The following DCLK1 variants were observed in gnomAD, a reference collection of about 807,000 sequenced individuals.
DCLK1 encodes the protein serine/threonine-protein kinase DCLK1.
In DCLK1, 16 loss-of-function variants were observed where a neutral mutation model predicts 86.2. The ratio of observed to expected loss-of-function variants is 0.19; its 90% CI spans 0.13 to 0.28. DCLK1 has a LOEUF of 0.28. Among genes scored for constraint, DCLK1 ranks in the 10% least tolerant of loss-of-function variants. The probability of loss-of-function intolerance (pLI) is 1.00; values close to 1 mark genes in which losing one functional copy is unlikely to be tolerated. For synonymous variants in DCLK1, 369 were observed against 370.5 expected, an observed-to-expected ratio of 1.00 and a Z score of 0.05; for missense variants, 590 against 940.2, an observed-to-expected ratio of 0.63 and a Z score of 4.87.
chr13:35,894,172 A>T (rs1873811047), intron 4 of DCLK1, among the ~76,000 whole-genome samples: 1 of 152,134 alleles, frequency 6.6e-6, no homozygotes, highest in Non-Finnish European at 1.5e-5. Flanking sequence ...CTTGTATCTG[A>T]AATACTTCTG....
intron 5 of DCLK1, among the ~76,000 whole-genome samples, chr13:35,857,342 C>G (rs1428365180): frequency 6.6e-6 from 1 of 152,130 alleles, no homozygotes; most frequent in Non-Finnish European, 1.5e-5. Flanking sequence ...TATATGAACA[C>G]AAACATACAG....
intron 3 of DCLK1, among the ~76,000 whole-genome samples, chr13:36,061,628 A>G (rs1440470489): frequency 6.6e-6 from 1 of 152,216 alleles, no homozygotes; most frequent in Admixed American, 6.5e-5. Flanking sequence ...TAAAAATAAT[A>G]TATCTGGAAA....
chr13:35,916,411 T>G (rs1875415333), intron 4 of DCLK1, among the ~76,000 whole-genome samples: 1 of 152,144 alleles, frequency 6.6e-6, no homozygotes, highest in Non-Finnish European at 1.5e-5. Flanking sequence ...CTTCCCCCTC[T>G]GCCTCTCCCT....
chr13:35,962,149 C>T (rs892462493), intron 3 of DCLK1, among the ~76,000 whole-genome samples: 2 of 152,154 alleles, frequency 1.3e-5, no homozygotes, highest in African/African-American at 4.8e-5. Flanking sequence ...AAGGGTGTTG[C>T]TGTGGGTTGA....
intron 3 of DCLK1, among the ~76,000 whole-genome samples, chr13:35,990,724 A>G (rs1002203677): frequency 6.6e-5 from 10 of 152,154 alleles, no homozygotes; most frequent in African/African-American, 2.2e-4. Context: ...GATGGTTTCC[A>G]AGCTCATTTT....
chr13:36,077,375 G>T (rs559123475), intron 3 of DCLK1, among the ~76,000 whole-genome samples: 1 of 152,168 alleles, frequency 6.6e-6, no homozygotes. Context: ...AAATCTACTT[G>T]CCCCCCTTCT....
intron 3 of DCLK1, among the ~76,000 whole-genome samples, chr13:36,093,089 G>C (rs1884895980): frequency 6.6e-6 from 1 of 152,174 alleles, no homozygotes; most frequent in Non-Finnish European, 1.5e-5. Context: ...ACTGCAGCTT[G>C]AAATCCTTAC....
At chr13:36,091,351 A>C (rs192196575) in intron 3 of DCLK1, among the ~76,000 whole-genome samples, 12 of 152,290 alleles carry the variant, frequency 7.9e-5, no homozygotes, top group African/African-American at 2.2e-4. Context: ...GTATCCCAGA[A>C]CTTAAAGTAA....
rs370720228 is a variant in DCLK1, at chr13:36,100,214, C to CA, written c.723+11654_723+11655insT. Among the ~76,000 whole-genome samples the CA allele has an allele frequency of 1.0e-3, 70 of 67,000 alleles. 6 individuals carry two copies. The highest frequency in any genetic ancestry group is 2.9e-3 in the East Asian group (3 of 1,036). 44.0% of individuals were successfully genotyped at this position (67,000 alleles called of 152,430 possible). On this transcript the variant is annotated intron_variant, in intron 3 of 16. Transcript: ENST00000360631. ...AAAAAAAAAAAAAAAAAAAAAAAAA[C>CA]CACACACACACAAAATTAGCCAGGC... is the stretch of plus-strand genomic sequence containing the variant.
intron 2 of DCLK1, among the ~76,000 whole-genome samples, chr13:36,115,788 T>C (rs1269235188): frequency 2.0e-5 from 3 of 151,398 alleles, no homozygotes; most frequent in Non-Finnish European, 4.4e-5. Context: ...TGGATCCAAC[T>C]AATACTAAAA....
chr13:36,076,368 T>C (rs1239374514), intron 3 of DCLK1, among the ~76,000 whole-genome samples: 1 of 152,286 alleles, frequency 6.6e-6, no homozygotes, highest in East Asian at 1.9e-4. Context: ...ATTTTCCCAG[T>C]CTTCCTGACA....
At chr13:35,861,873 A>T (rs978212823) in intron 5 of DCLK1, among the ~76,000 whole-genome samples, 3 of 151,012 alleles carry the variant, frequency 2.0e-5, no homozygotes, top group Non-Finnish European at 4.4e-5. Flanking sequence ...AAAAAAAAAA[A>T]ATACAAAAAA....
At chr13:35,846,755 T>C (rs1295477584) in intron 6 of DCLK1, 1 of 985,228 alleles carries the variant, frequency 1.0e-6, no homozygotes. Context: ...GCAAGGTTAA[T>C]GCAAATATGC....
chr13:35,875,080 A>C (rs962203438), intron 4 of DCLK1, among the ~76,000 whole-genome samples: 1 of 152,236 alleles, frequency 6.6e-6, no homozygotes, highest in Non-Finnish European at 1.5e-5. Flanking sequence ...TCTTTTCACC[A>C]GTGAGGCCTC....
chr13:36,100,203 AAAAAAAAAAAC>A (rs1315680916), intron 3 of DCLK1, among the ~76,000 whole-genome samples: 18,805 of 129,408 alleles, frequency 0.15, 2,573 homozygotes, highest in East Asian at 0.38. Flanking sequence ...AAAAAAAAAA[AAAAAAAAAAAC>A]CACACACACA....
intron 3 of DCLK1, among the ~76,000 whole-genome samples, chr13:36,057,683 T>C (rs1326280590): frequency 6.6e-6 from 1 of 152,148 alleles, no homozygotes; most frequent in Non-Finnish European, 1.5e-5. Flanking sequence ...AGATTCAGGA[T>C]ATTAAATTTA....
chr13:36,101,511 G>A (rs956015855), intron 3 of DCLK1, among the ~76,000 whole-genome samples: 4 of 152,122 alleles, frequency 2.6e-5, no homozygotes, highest in South Asian at 2.1e-4. Context: ...GCCGGGGTTC[G>A]CCGTCTTTAG....
chr13:35,960,741 G>A (rs9565710), intron 3 of DCLK1, among the ~76,000 whole-genome samples: 37,163 of 152,144 alleles, frequency 0.24, 4,984 homozygotes, highest in East Asian at 0.45. Flanking sequence ...ACAGGCATAA[G>A]CCACCATGCC....
intron 5 of DCLK1, among the ~76,000 whole-genome samples, chr13:35,866,283 C>A (rs886644231): frequency 1.3e-5 from 2 of 152,220 alleles, no homozygotes; most frequent in South Asian, 4.1e-4. Flanking sequence ...TATAAGTTAA[C>A]CATGTTATAT....
Sources: gnomAD v4.1 joint callset for allele counts (sites outside exome capture counted in the v4.1 genomes callset) on GRCh38, gnomAD v4.1.1 for gene constraint, MANE v1.5 for transcripts, NCBI Gene and HGNC (gene_info 2026-07-23, HGNC 2026-07-21) for gene names.